The following AGBL4 variants were observed in gnomAD, a reference collection of about 807,000 sequenced individuals.
AGBL4 encodes the protein cytosolic carboxypeptidase 6.
In AGBL4, 58 loss-of-function variants were observed where a neutral mutation model predicts 66.4. The observed-to-expected ratio is 0.87, with a 90% CI of 0.71 to 1.09. The LOEUF is 1.09. Among genes scored for constraint, AGBL4 ranks in the 50% least tolerant of loss-of-function variants. AGBL4 has a pLI of 0.00. For synonymous variants in AGBL4, 234 were observed against 222.9 expected (o/e 1.05, Z -0.44); for missense variants, 579 against 631.0 (o/e 0.92, Z 0.88).
In AGBL4 at chr1:49,216,026, C is replaced by T. The variant is rs544724156; in HGVS notation, c.377+29744G>A. On this transcript the variant is annotated intron_variant, in intron 4 of 13. Transcript: ENST00000371839. ...GCATATACTGACTTCCGTTACTTTG[C>T]CAGTATCAATTCTAGGTTCTGGAAG... Among the ~76,000 whole-genome samples the T allele has an allele frequency of 1.8e-3, 280 of 152,160 alleles. 1 individual carries two copies. The highest frequency in any genetic ancestry group is 6.5e-3 in the African/African-American group (271 of 41,538).
chr1:49,128,084 A>G (rs1203885135), intron 4 of AGBL4, among the ~76,000 whole-genome samples: 3 of 152,110 alleles, frequency 2.0e-5, no homozygotes, highest in African/African-American at 7.2e-5. Flanking sequence ...CAGGTATTTA[A>G]AGGAAAACCA....
At chr1:49,295,142 A>G (rs1388161526) in intron 3 of AGBL4, among the ~76,000 whole-genome samples, 2 of 152,074 alleles carry the variant, frequency 1.3e-5, no homozygotes, top group African/African-American at 4.8e-5. Context: ...CCTTCCACCT[A>G]CCCAAATCCT....
intron 3 of AGBL4, among the ~76,000 whole-genome samples, chr1:49,286,289 T>G (rs1644407532): frequency 6.6e-6 from 1 of 151,864 alleles, no homozygotes. Context: ...GCATTCCCTT[T>G]GAAAACTGGC....
chr1:49,475,202 GTTTTGT>G (rs1646823619), intron 3 of AGBL4, among the ~76,000 whole-genome samples: 1 of 151,856 alleles, frequency 6.6e-6, no homozygotes, highest in Non-Finnish European at 1.5e-5. Context: ...AATCTTATGG[GTTTTGT>G]TTTTAATTCT....
intron 4 of AGBL4, among the ~76,000 whole-genome samples, chr1:49,059,388 A>G (rs936278065): frequency 6.6e-6 from 1 of 152,192 alleles, no homozygotes; most frequent in African/African-American, 2.4e-5. Flanking sequence ...GGGTTTGGGA[A>G]CCTCTGCCTA....
At chr1:49,392,426 A>T (rs956247047) in intron 3 of AGBL4, among the ~76,000 whole-genome samples, 4 of 152,186 alleles carry the variant, frequency 2.6e-5, no homozygotes, top group Admixed American at 1.3e-4. Flanking sequence ...CTTTTGCTAC[A>T]TGGTTATGAG....
At chr1:48,788,074 T>C (rs1249214353) in intron 6 of AGBL4, among the ~76,000 whole-genome samples, 2 of 152,244 alleles carry the variant, frequency 1.3e-5, no homozygotes, top group African/African-American at 4.8e-5. Flanking sequence ...ATTACTGCTT[T>C]ATCACCAAGG....
At chr1:48,751,550 A>G (rs543724478) in intron 6 of AGBL4, among the ~76,000 whole-genome samples, 24 of 152,268 alleles carry the variant, frequency 1.6e-4, no homozygotes, top group Admixed American at 1.3e-3. Context: ...TTATATATGG[A>G]AAGTATTTAG....
chr1:48,713,315 G>C (rs1227549965), intron 6 of AGBL4, among the ~76,000 whole-genome samples: 1 of 152,144 alleles, frequency 6.6e-6, no homozygotes, highest in African/African-American at 2.4e-5. Flanking sequence ...AATAGAGAGA[G>C]ATGGGGAGGG....
chr1:49,062,799 C>T (rs1349173796), intron 4 of AGBL4, among the ~76,000 whole-genome samples: 1 of 152,172 alleles, frequency 6.6e-6, no homozygotes, highest in Non-Finnish European at 1.5e-5. Context: ...GCTGTGACAT[C>T]TTGGCCTTCA....
intron 3 of AGBL4, among the ~76,000 whole-genome samples, chr1:49,439,501 T>A (rs1292934250): frequency 2.6e-5 from 4 of 151,912 alleles, no homozygotes; most frequent in Non-Finnish European, 5.9e-5. Flanking sequence ...GTGTAGAGGA[T>A]AGGTGTGATG....
At chr1:49,277,903 C>T (rs1241920672) in intron 3 of AGBL4, among the ~76,000 whole-genome samples, 1 of 152,154 alleles carries the variant, frequency 6.6e-6, no homozygotes, top group Non-Finnish European at 1.5e-5. Context: ...CTTTTTAGTA[C>T]AAGTCAACCT....
intron 2 of AGBL4, among the ~76,000 whole-genome samples, chr1:49,736,042 G>A (rs896333817): frequency 3.3e-5 from 5 of 151,964 alleles, no homozygotes; most frequent in Admixed American, 6.6e-5. Flanking sequence ...AAATCTTTGG[G>A]AAACCATCAA....
chr1:48,787,860 T>G (rs1018480597), intron 6 of AGBL4, among the ~76,000 whole-genome samples: 2 of 152,200 alleles, frequency 1.3e-5, no homozygotes, highest in Non-Finnish European at 2.9e-5. Flanking sequence ...TCTCAACTGG[T>G]AGGTCTAGTA....
intron 4 of AGBL4, among the ~76,000 whole-genome samples, chr1:49,071,004 CTTCTAGATT>C (rs1227182657): frequency 6.6e-6 from 1 of 151,912 alleles, no homozygotes; most frequent in Non-Finnish European, 1.5e-5. Flanking sequence ...TTATCCATTT[CTTCTAGATT>C]TTCTAGAAGA....
chr1:48,591,071 C>A (rs182135295), intron 9 of AGBL4, 86 bp from the exon 10 acceptor site: 47 of 1,091,306 alleles, frequency 4.3e-5, no homozygotes, highest in African/African-American at 1.0e-4. Flanking sequence ...ACACACACAC[C>A]CCCCACACAC....
At chr1:48,745,438 C>T (rs897308426) in intron 6 of AGBL4, among the ~76,000 whole-genome samples, 4 of 152,164 alleles carry the variant, frequency 2.6e-5, no homozygotes, top group African/African-American at 4.8e-5. Flanking sequence ...GGACAGCTAA[C>T]GGACATCAGA....
At chr1:49,692,456 C>T (rs532541306) in intron 3 of AGBL4, among the ~76,000 whole-genome samples, 3 of 152,252 alleles carry the variant, frequency 2.0e-5, no homozygotes, top group African/African-American at 4.8e-5. Context: ...CAGTGGCTCA[C>T]GCCTGTAATC....
chr1:48,729,971 C>T (rs1048656921), intron 6 of AGBL4, among the ~76,000 whole-genome samples: 1 of 152,116 alleles, frequency 6.6e-6, no homozygotes, highest in South Asian at 2.1e-4. Context: ...TCAACCTATT[C>T]CACCTGTCAG....
Sources: gnomAD v4.1 joint callset for allele counts (sites outside exome capture counted in the v4.1 genomes callset) on GRCh38, gnomAD v4.1.1 for gene constraint, MANE v1.5 for transcripts, NCBI Gene and HGNC (gene_info 2026-07-23, HGNC 2026-07-21) for gene names.